ALG1: variants seen among roughly 807,000 people sequenced by gnomAD.
ALG1 encodes the protein chitobiosyldiphosphodolichol beta-mannosyltransferase.
Under a neutral mutation model 55.1 loss-of-function variants are expected in ALG1, and 58 were observed. The observed-to-expected ratio is 1.05, with a 90% CI of 0.85 to 1.31. The LOEUF is 1.31. ALG1 is among the 50% of genes most tolerant of loss of function. The probability of loss-of-function intolerance (pLI) is 0.00; values close to 1 mark genes in which losing one functional copy is unlikely to be tolerated. For synonymous variants in ALG1, 309 were observed against 247.0 expected, an observed-to-expected ratio of 1.25 and a Z score of -2.35; for missense variants, 761 against 598.6, an observed-to-expected ratio of 1.27 and a Z score of -2.83.
chr16:5,082,591 T>A lies in ALG1; in HGVS notation c.1105T>A (p.Ser369Thr). 6.2e-7 allele frequency: 1 copy of A among 1,612,026 alleles called. No homozygotes were observed. The highest frequency in any genetic ancestry group is 8.5e-7 in the Non-Finnish European group (1 of 1,179,874). Residue 369 changes from serine to threonine, a missense_variant, in exon 11 of 13, where the codon TCC becomes ACC. Transcript: ENST00000262374. ...SADLGVCLHT[S>T]SSGLDLPMKV... Reference sequence around the variant, plus strand: ...GGACCTGGGTGTCTGTCTGCACACGTCCTCCAGTGGCCTGGACCTGCCCAT... The same window carrying A: ...GGACCTGGGTGTCTGTCTGCACACGACCTCCAGTGGCCTGGACCTGCCCAT...
Position 5,072,947 on chromosome 16 carries a change from T to A in ALG1, c.209-4T>A, listed in dbSNP as rs1440841279. On this transcript the variant is annotated splice_region_variant and splice_polypyrimidine_tract_variant and intron_variant, in intron 1 of 12. Coordinates refer to ENST00000262374, the MANE Select transcript of ALG1 (RefSeq NM_019109.5). ...ACATTAAAGGGATCATTCTCATTTT[T>A]CAGACTCCAAACCCCATGATGAGCT... is the stretch of plus-strand genomic sequence containing the variant. 2 of 1,614,008 alleles carry A rather than the reference T, an allele frequency of 1.2e-6. No individual in the cohort carries two copies. The highest frequency in any genetic ancestry group is 2.7e-5 in the African/African-American group (2 of 75,072).
At chr16:5,074,004 CG>C (rs1567166765) in intron 3 of ALG1, among the ~76,000 whole-genome samples, 1 of 152,210 alleles carries the variant, frequency 6.6e-6, no homozygotes, top group African/African-American at 2.4e-5. Flanking sequence ...CGTGCGCCAC[CG>C]CGCCTGGCCT....
At chr16:5,072,847 TCTTA>T in intron 1 of ALG1, 100 bp from the exon 2 acceptor site, 1 of 1,092,708 alleles carries the variant, frequency 9.2e-7, no homozygotes, top group Non-Finnish European at 1.4e-6. Context: ...TTTTGAAATA[TCTTA>T]CTTTCCAAAA....
In ALG1 at chr16:5,073,639, G is replaced by A. The variant is rs570399063; in HGVS notation, c.390+383G>A. ...CATCGCCATACAGCTAGGAAGTGGT[G>A]GAATCAGGATTTGAACGTAGGTCGT... is the stretch of plus-strand genomic sequence containing the variant. On this transcript the variant is annotated intron_variant, in intron 3 of 12. Coordinates refer to ENST00000262374, the MANE Select transcript of ALG1 (RefSeq NM_019109.5). Among the ~76,000 whole-genome samples the A allele has an allele frequency of 6.6e-5, 10 of 152,370 alleles. No individual in the cohort carries two copies. The East Asian group carries it at 1.7e-3, about 26-fold the overall frequency.
At position 5,085,779 on chromosome 16, in the gene ALG1, G is replaced by A. The variant is rs773216565; in HGVS notation, c.*898G>A. On this transcript the variant is annotated 3_prime_UTR_variant, in exon 13 of 13. Coordinates refer to ENST00000262374, the MANE Select transcript of ALG1 (RefSeq NM_019109.5). The stretch of plus-strand genomic sequence containing the variant: ...TTGAGGATGGCGGTGTTTGGGGACA[G>A]GACATGAGGGTATTGTGTGGGGCTG... The A allele has an allele frequency of 2.8e-6, 4 of 1,406,058 alleles. No homozygotes were observed. Among genetic ancestry groups the A allele is most frequent in the African/African-American group, 1.4e-5 (1 of 70,622 alleles). The allele number at this position is 1,406,058 out of a possible 1,614,324, so 87.1% of individuals were successfully genotyped here.
intron 10 of ALG1, among the ~76,000 whole-genome samples, chr16:5,082,009 C>T (rs1449109466): frequency 2.6e-5 from 4 of 151,898 alleles, no homozygotes; most frequent in African/African-American, 7.3e-5. Flanking sequence ...ATGGTGTGAT[C>T]TTGGCTCACG....
intron 11 of ALG1, among the ~76,000 whole-genome samples, 186 bp downstream of exon 11, chr16:5,082,859 C>A (rs1957040315): frequency 6.6e-6 from 1 of 152,182 alleles, no homozygotes; most frequent in South Asian, 2.1e-4. Context: ...GTAGTTGCTT[C>A]CATTTAGAGC....
chr16:5,073,707 C>A (rs974838794), intron 3 of ALG1, among the ~76,000 whole-genome samples: 1 of 152,220 alleles, frequency 6.6e-6, no homozygotes, highest in Non-Finnish European at 1.5e-5. Context: ...TACGCGCGCA[C>A]ACACAAACAC....
intron 7 of ALG1, 33 bp from the exon 8 acceptor site, chr16:5,079,031 A>G: frequency 6.2e-7 from 1 of 1,604,892 alleles, no homozygotes; most frequent in Non-Finnish European, 8.5e-7. Flanking sequence ...GTGTCTAGAA[A>G]CAGGCCCCTG....
At chr16:5,072,321 G>C in intron 1 of ALG1, 1 of 1,348,908 alleles carries the variant, frequency 7.4e-7, no homozygotes, top group Non-Finnish European at 9.8e-7. Flanking sequence ...GAACCCAGGT[G>C]CGTGGAACTC....
Position 5,075,453 on chromosome 16 carries a change from C to G in ALG1, c.456C>G (p.Leu152=), listed in dbSNP as rs764878109. 1.9e-6 allele frequency: 3 copies of G among 1,614,030 alleles called. No homozygotes were observed. Among genetic ancestry groups the G allele is most frequent in the Non-Finnish European group, 2.5e-6 (3 of 1,180,044 alleles). The change falls in exon 4 of 13, where the codon CTC becomes CTG. Residue 152 remains leucine, a synonymous_variant. Coordinates refer to ENST00000262374, the MANE Select transcript of ALG1 (RefSeq NM_019109.5). ...WFVGCLCGSK[L]VIDWHNYGYS... is the part of the protein sequence containing the mutation. The stretch of plus-strand genomic sequence containing the variant: ...TGGGCTGCCTTTGTGGAAGCAAGCT[C>G]GTCATTGACTGGCACAACTATGGCT...
At position 5,076,611 on chromosome 16, in the gene ALG1, C is replaced by G. The variant is rs768377357; in HGVS notation, c.540-834C>G. ...CTGGCGGTGATAAATAACCCAGAAT[C>G]GCGCATGCCGTGTTCCGGCTCTACC... On this transcript the variant is annotated intron_variant, in intron 4 of 12. Transcript: ENST00000262374. Among the ~76,000 whole-genome samples, 55 of 152,142 alleles carry G rather than the reference C, an allele frequency of 3.6e-4. 1 individual carries two copies. The highest frequency in any genetic ancestry group is 3.9e-4 in the Admixed American group (6 of 15,282).
In ALG1 at chr16:5,073,161, CGA is replaced by C; in HGVS notation, c.297_298del (p.Val100PhefsTer37). Reference sequence around the variant, plus strand: ...TGTTTTCTGACTTGCAGTTGGGCCCCGAGTTTTCCAGTACGGAGTCAAAGTTG... The same window carrying C: ...TGTTTTCTGACTTGCAGTTGGGCCCCGTTTTCCAGTACGGAGTCAAAGTTG... ...TELQSLAVGP[R>X]VFQYGVKVVL... On this transcript the variant is annotated frameshift_variant, in exon 3 of 13. Coordinates refer to ENST00000262374, the MANE Select transcript of ALG1 (RefSeq NM_019109.5). LOFTEE classifies it high-confidence loss of function. 6.2e-7 allele frequency: 1 copy of C among 1,614,116 alleles called. No homozygotes were observed.
intron 3 of ALG1, among the ~76,000 whole-genome samples, chr16:5,073,786 C>G (rs1454882291): frequency 3.3e-5 from 5 of 152,238 alleles, no homozygotes; most frequent in Admixed American, 6.5e-5. Flanking sequence ...GTGATCTCGG[C>G]TCACTGCAAC....
rs8047337 is a variant in ALG1, at chr16:5,073,473, A to G, written c.390+217A>G. The G allele has an allele frequency of 0.1, 62,338 of 599,604 alleles. 3,471 individuals are homozygous for G. Among genetic ancestry groups the G allele is most frequent in the Admixed American group, 0.15 (5,254 of 34,394 alleles). The allele number at this position is 599,604 out of a possible 1,614,324, so 37.1% of individuals were successfully genotyped here. A position where few individuals can be genotyped will look rare whatever the true frequency, so the allele number is the denominator to read the frequency against. On this transcript the variant is annotated intron_variant, in intron 3 of 12. Coordinates refer to ENST00000262374, the MANE Select transcript of ALG1 (RefSeq NM_019109.5). ...CTTACATTGTACTGACTGTGTATCAAGTGTTTTCCATGTATTAACTCATTT... is the reference window on the plus strand; with the variant it reads ...CTTACATTGTACTGACTGTGTATCAGGTGTTTTCCATGTATTAACTCATTT...
intron 6 of ALG1, 84 bp downstream of exon 6, chr16:5,078,101 A>C (rs906520708): frequency 1.1e-5 from 16 of 1,484,116 alleles, no homozygotes; most frequent in South Asian, 2.3e-5. Context: ...CTGGGAACCC[A>C]CTCATCCAGG....
At chr16:5,077,881 A>G (rs1179247523) in intron 5 of ALG1, 26 bp from the exon 6 acceptor site, 4 of 1,604,758 alleles carry the variant, frequency 2.5e-6, no homozygotes, top group East Asian at 2.2e-5. Context: ...AGCCCTCCCA[A>G]TAGCCCCGTC....
At position 5,077,951 on chromosome 16, in the gene ALG1, C is replaced by T. The variant is rs748774645; in HGVS notation, c.674C>T (p.Thr225Ile). The stretch of plus-strand genomic sequence containing the variant: ...AAGCCCGCATCTTTCTTTAAAGAGA[C>T]ACCTCTGGACCTGCAGCACCGGCTC... ...YDKPASFFKE[T>I]PLDLQHRLFM... Residue 225 changes from threonine to isoleucine, a missense_variant, in exon 6 of 13, where the codon ACA becomes ATA. Coordinates refer to ENST00000262374, the MANE Select transcript of ALG1 (RefSeq NM_019109.5). 4 of 1,606,252 alleles carry T rather than the reference C, an allele frequency of 2.5e-6. No homozygotes were observed. The highest frequency in any genetic ancestry group is 2.5e-6 in the Non-Finnish European group (3 of 1,179,844).
Position 5,085,636 on chromosome 16 carries a change from A to G in ALG1, c.*755A>G, listed in dbSNP as rs1957130868. ...CGTTGGAGTCGTGTGTGAGTCCTAC[A>G]GGGTGAGATTCAGCATTGCCATCTC... On this transcript the variant is annotated 3_prime_UTR_variant, in exon 13 of 13. Coordinates refer to ENST00000262374, the MANE Select transcript of ALG1 (RefSeq NM_019109.5). 6.2e-7 allele frequency: 1 copy of G among 1,604,574 alleles called. No homozygotes were observed. Among genetic ancestry groups the G allele is most frequent in the South Asian group, 1.1e-5 (1 of 90,842 alleles).
Sources: allele counts gnomAD v4.1 joint callset (sites outside exome capture counted in the v4.1 genomes callset), GRCh38; gene constraint gnomAD v4.1.1; transcripts MANE v1.5; gene names NCBI Gene and HGNC (gene_info 2026-07-23, HGNC 2026-07-21).